GRM8: variants seen among roughly 807,000 people sequenced by gnomAD.
GRM8 encodes glutamate metabotropic receptor 8.
GRM8 carries 47 observed loss-of-function variants against 87.2 expected under a neutral mutation model. That is an observed-to-expected ratio of 0.54 (90% CI 0.43 to 0.69). The LOEUF (loss-of-function observed/expected upper bound fraction) is 0.69. Among genes scored for constraint, GRM8 ranks in the 30% least tolerant of loss-of-function variants. The pLI is 0.00. For synonymous variants in GRM8, 396 were observed against 404.5 expected (o/e 0.98, Z 0.25); for missense variants, 1,019 against 1,139.2 (o/e 0.89, Z 1.52).
intron 2 of GRM8, among the ~76,000 whole-genome samples, chr7:127,157,343 A>G (rs1792795435): frequency 6.6e-6 from 1 of 152,160 alleles, no homozygotes; most frequent in Admixed American, 6.6e-5. Context: ...CTAACAGACT[A>G]CACTGAAGGT....
chr7:126,752,297 C>T (rs1816512600), intron 7 of GRM8, among the ~76,000 whole-genome samples: 1 of 151,922 alleles, frequency 6.6e-6, no homozygotes, highest in South Asian at 2.1e-4. Context: ...CAAAGCAAGA[C>T]CAAGTCTCTA....
intron 2 of GRM8, among the ~76,000 whole-genome samples, chr7:127,109,530 T>C (rs1325503246): frequency 6.6e-6 from 1 of 152,180 alleles, no homozygotes; most frequent in Non-Finnish European, 1.5e-5. Context: ...CTCTATCTAA[T>C]GATCCTCTAT....
At chr7:126,642,312 T>A (rs1322962309) in intron 7 of GRM8, among the ~76,000 whole-genome samples, 7 of 152,184 alleles carry the variant, frequency 4.6e-5, no homozygotes, top group African/African-American at 7.2e-5. Flanking sequence ...TACATTTTTA[T>A]TTCTAATTGT....
At chr7:126,731,262 G>A (rs755893307) in intron 7 of GRM8, among the ~76,000 whole-genome samples, 4 of 152,090 alleles carry the variant, frequency 2.6e-5, no homozygotes, top group South Asian at 4.1e-4. Context: ...TCAGGAGGAC[G>A]TGAGAGAACC....
chr7:126,769,934 G>T lies in GRM8; in HGVS notation c.1288C>A (p.Leu430Ile). The stretch of plus-strand genomic sequence containing the variant: ...TCAATGGTACTCATTCGTGGACAAA[G>T]GCCAATGTATCCAGGGCAGAGATCT... ...HKDLCPGYIG[L>I]CPRMSTIDGK... Residue 430 changes from leucine to isoleucine, a missense_variant, in exon 7 of 11, where the codon CTT becomes ATT. Leu to Ile is a conservative substitution (Grantham distance 5). Coordinates refer to ENST00000339582, the MANE Select transcript of GRM8 (RefSeq NM_000845.3). 1 of 1,612,956 alleles carries T rather than the reference G, an allele frequency of 6.2e-7. No individual in the cohort carries two copies. The highest frequency in any genetic ancestry group is 8.5e-7 in the Non-Finnish European group (1 of 1,179,160).
At chr7:126,670,485 C>G (rs1199753126) in intron 7 of GRM8, among the ~76,000 whole-genome samples, 4 of 152,070 alleles carry the variant, frequency 2.6e-5, no homozygotes, top group Admixed American at 1.3e-4. Context: ...ACAGAGATAA[C>G]AAAACTTCTT....
intron 7 of GRM8, among the ~76,000 whole-genome samples, chr7:126,661,500 C>G (rs1219632523): frequency 6.6e-6 from 1 of 152,090 alleles, no homozygotes; most frequent in East Asian, 1.9e-4. Context: ...TAAACCCAGC[C>G]CTGGGACCCT....
intron 7 of GRM8, among the ~76,000 whole-genome samples, chr7:126,756,382 C>T (rs543829718): frequency 1.8e-4 from 27 of 152,040 alleles, no homozygotes; most frequent in African/African-American, 6.0e-4. Flanking sequence ...AGCTACAGTA[C>T]CAAAGGCACT....
chr7:126,648,308 C>T (rs981634607), intron 7 of GRM8, among the ~76,000 whole-genome samples: 10 of 151,528 alleles, frequency 6.6e-5, no homozygotes, highest in African/African-American at 2.2e-4. Flanking sequence ...TCCTCCCTAT[C>T]TGTCTGATTT....
intron 7 of GRM8, among the ~76,000 whole-genome samples, chr7:126,655,992 T>TTCTTC (rs1804483105): frequency 6.6e-6 from 1 of 152,228 alleles, no homozygotes; most frequent in South Asian, 2.1e-4. Context: ...TCATAGCTGG[T>TTCTTC]AATGTAACAT....
chr7:127,192,815 C>T (rs1384791062), intron 2 of GRM8, among the ~76,000 whole-genome samples: 1 of 152,172 alleles, frequency 6.6e-6, no homozygotes, highest in African/African-American at 2.4e-5. Context: ...CAAGTCCACA[C>T]CTTCTGCTTT....
intron 3 of GRM8, among the ~76,000 whole-genome samples, chr7:126,950,702 G>A (rs1204565): frequency 0.77 from 116,586 of 151,986 alleles, 45,066 homozygotes; most frequent in East Asian, 0.97. Flanking sequence ...CCCATGGCTT[G>A]TCTGTAACCC....
At chr7:126,759,240 G>C (rs1284723645) in intron 7 of GRM8, among the ~76,000 whole-genome samples, 1 of 151,928 alleles carries the variant, frequency 6.6e-6, no homozygotes, top group Non-Finnish European at 1.5e-5. Flanking sequence ...AAACCTTAAT[G>C]TAATTATAAA....
intron 3 of GRM8, among the ~76,000 whole-genome samples, chr7:127,033,652 G>A (rs1373107734): frequency 6.6e-6 from 1 of 152,112 alleles, no homozygotes; most frequent in Non-Finnish European, 1.5e-5. Flanking sequence ...CAAATCTCAT[G>A]TACCTCATCA....
chr7:127,073,889 T>C (rs1417382097), intron 3 of GRM8, among the ~76,000 whole-genome samples: 1 of 152,240 alleles, frequency 6.6e-6, no homozygotes, highest in Non-Finnish European at 1.5e-5. Flanking sequence ...TCTTAAATAG[T>C]TTGAAGTTTT....
chr7:126,456,003 TAAC>T (rs1475236774), intron 9 of GRM8, among the ~76,000 whole-genome samples: 2 of 151,208 alleles, frequency 1.3e-5, no homozygotes, highest in African/African-American at 4.8e-5. Context: ...GAAAAAAAAA[TAAC>T]AAATCCATAA....
intron 6 of GRM8, among the ~76,000 whole-genome samples, chr7:126,792,832 G>A (rs1363423103): frequency 6.6e-6 from 1 of 152,166 alleles, no homozygotes; most frequent in Non-Finnish European, 1.5e-5. Context: ...CAAACCATCA[G>A]TATGGTGACT....
chr7:127,074,605 T>C (rs1237059466), intron 3 of GRM8, among the ~76,000 whole-genome samples: 2 of 152,186 alleles, frequency 1.3e-5, no homozygotes, highest in Admixed American at 1.3e-4. Context: ...TTTTCAGACA[T>C]GCCTCTCGAG....
chr7:126,924,329 A>G (rs1804859000), intron 3 of GRM8, among the ~76,000 whole-genome samples: 1 of 152,244 alleles, frequency 6.6e-6, no homozygotes, highest in South Asian at 2.1e-4. Flanking sequence ...CGGATTTCAA[A>G]CATCACTTGG....
Sources: allele counts gnomAD v4.1 joint callset (sites outside exome capture counted in the v4.1 genomes callset), GRCh38; gene constraint gnomAD v4.1.1; transcripts MANE v1.5; gene names NCBI Gene and HGNC (gene_info 2026-07-23, HGNC 2026-07-21).